TEX55: variants seen among roughly 807,000 people sequenced by gnomAD.
TEX55 encodes the protein testis expressed 55.
TEX55 carries 31 observed loss-of-function variants against 44.6 expected under a neutral mutation model. The observed-to-expected ratio is 0.69, with a 90% CI of 0.52 to 0.94. The LOEUF (loss-of-function observed/expected upper bound fraction) is 0.94, where lower values mean the gene tolerates loss of function less well. Ranked by LOEUF, TEX55 falls within the 40% of genes least tolerant of loss-of-function variation. The pLI, the probability that TEX55 is intolerant of heterozygous loss-of-function variation, is 0.00. For missense variants in TEX55, 639 were observed against 638.4 expected (o/e 1.00, Z -0.01); for synonymous variants, 230 against 230.9 (o/e 1.00, Z 0.04).
In TEX55 at chr3:119,146,928, T is replaced by C. The variant is rs1202510901; in HGVS notation, c.739T>C (p.Ser247Pro). Residue 247 changes from serine (S) to proline (P), a missense_variant, in exon 1 of 3, where the codon TCC (serine) becomes CCC (proline). Physicochemically the swap from Ser to Pro is moderately conservative, Grantham distance 74. Transcript: ENST00000295622. ...TTCTGTACAGATTGACAGTGGATCG[T>C]CCGTACCATCTGACCAAAGACCTTC... ...SPSVQIDSGS[S>P]VPSDQRPSVQ... 1.2e-6 allele frequency: 2 copies of C among 1,613,910 alleles called. No individual in the cohort carries two copies. The highest frequency in any genetic ancestry group is 4.5e-5 in the East Asian group (2 of 44,886).
In TEX55 at chr3:119,147,287, T is replaced by G; in HGVS notation, c.1098T>G (p.Arg366=). The G allele has an allele frequency of 6.2e-7, 1 of 1,614,088 alleles. No homozygotes were observed. The highest frequency in any genetic ancestry group is 8.5e-7 in the Non-Finnish European group (1 of 1,180,006). ...HKDQLSYYET[R]GQSEDRIFPQ... is the part of the protein sequence containing the mutation. The stretch of plus-strand genomic sequence containing the variant: ...ACCAGCTGTCTTACTATGAAACACG[T>G]GGCCAGTCTGAAGACAGAATATTTC... The change falls in exon 1 of 3, where the codon CGT becomes CGG. Residue 366 remains arginine, a synonymous_variant. Transcript: ENST00000295622.
chr3:119,151,367 C>T lies in TEX55; in HGVS notation c.*75C>T. The T allele has an allele frequency of 8.1e-7, 1 of 1,240,860 alleles. No homozygotes were observed. 76.9% of individuals were successfully genotyped at this position (1,240,860 alleles called of 1,614,324 possible). A position where few individuals can be genotyped will look rare whatever the true frequency, so the allele number is the denominator to read the frequency against. Reference sequence around the variant, plus strand: ...CACACATACAGCAAAGTGTATAGAACAAAGTACGTACAACTCTGAATTCTT... The same window carrying T: ...CACACATACAGCAAAGTGTATAGAATAAAGTACGTACAACTCTGAATTCTT... On this transcript the variant is annotated 3_prime_UTR_variant, in exon 3 of 3. Coordinates refer to ENST00000295622, the MANE Select transcript of TEX55 (RefSeq NM_152539.3).
Position 119,151,285 on chromosome 3 carries a change from A to G in TEX55, c.1604A>G (p.Gln535Arg), listed in dbSNP as rs756086439. The G allele has an allele frequency of 2.5e-6, 4 of 1,613,002 alleles. No individual in the cohort carries two copies. The South Asian group carries it at 3.3e-5, about 13-fold the overall frequency. ...PEDPLNFMLC[Q>R]V is the part of the protein sequence containing the mutation. The stretch of plus-strand genomic sequence containing the variant: ...GACCCCCTGAATTTTATGCTGTGCC[A>G]GGTATAGAATTGGAGAAAAAGAACA... The change falls in exon 3 of 3, where the codon CAG becomes CGG. Residue 535 changes from glutamine to arginine, a missense_variant. Gln to Arg is a conservative substitution (Grantham distance 43). Coordinates refer to ENST00000295622, the MANE Select transcript of TEX55 (RefSeq NM_152539.3).
chr3:119,146,319 GATAACC>G lies in TEX55; in HGVS notation c.132_137del (p.Asn45_His46del). On this transcript the variant is annotated inframe_deletion, in exon 1 of 3. Coordinates refer to ENST00000295622, the MANE Select transcript of TEX55 (RefSeq NM_152539.3). Reference sequence around the variant, plus strand: ...GAAGAACCAGGCCGAAAGGAAGGCAGATAACCACACTGCTCACAGAATAGCTGACCA... The same window carrying G: ...GAAGAACCAGGCCGAAAGGAAGGCAGACACTGCTCACAGAATAGCTGACCA... 1 of 1,614,200 alleles carries G rather than the reference GATAACC, an allele frequency of 6.2e-7. No homozygotes were observed. The highest frequency in any genetic ancestry group is 8.5e-7 in the Non-Finnish European group (1 of 1,180,036).
Position 119,148,475 on chromosome 3 carries a change from A to T in TEX55, c.1542+152A>T, listed in dbSNP as rs1215545344. 5.3e-6 allele frequency: 4 copies of T among 752,904 alleles called. No individual in the cohort carries two copies. In the South Asian group the frequency reaches 8.3e-5, roughly 16 times the overall value. The allele number at this position is 752,904 out of a possible 1,614,324, so 46.6% of individuals were successfully genotyped here. On this transcript the variant is annotated intron_variant, in intron 2 of 2. Transcript: ENST00000295622. ...GTAGTAAATGATAAACACCAAATAG[A>T]TGATACCATCATATGAAGCCATTCA...
In TEX55 at chr3:119,147,140, A is replaced by G; in HGVS notation, c.951A>G (p.Leu317=). Residue 317 remains leucine (L), a synonymous_variant, in exon 1 of 3, where the codon CTA becomes CTG. Transcript: ENST00000295622. The part of the protein sequence containing the change: ...HHQVYGQATE[L]AEHQAIDQAH... ...AAGTGTACGGCCAAGCCACTGAACT[A>G]GCTGAACACCAGGCTATTGACCAAG... is the stretch of plus-strand genomic sequence containing the variant. 2.5e-6 allele frequency: 4 copies of G among 1,614,220 alleles called. No homozygotes were observed. The highest frequency in any genetic ancestry group is 3.3e-4 in the Middle Eastern group (2 of 6,062).
intron 2 of TEX55, among the ~76,000 whole-genome samples, chr3:119,148,948 T>A (rs2077756785): frequency 6.6e-6 from 1 of 152,158 alleles, no homozygotes; most frequent in African/African-American, 2.4e-5. Context: ...CTTAACTATG[T>A]ATGGAGCTTT....
rs770646159 is a variant in TEX55 at position 119,146,573 on chromosome 3, A to G, written c.384A>G (p.Glu128=). 2.3e-5 allele frequency: 37 copies of G among 1,613,896 alleles called. No homozygotes were observed. Among genetic ancestry groups the G allele is most frequent in the Non-Finnish European group, 3.1e-5 (36 of 1,180,044 alleles). ...ASSQANNVQH[E]QSDGQVSGLT... ...GCCAAGCTAATAATGTACAGCATGAACAGAGTGATGGTCAGGTGTCTGGCC... is the reference window on the plus strand; with the variant it reads ...GCCAAGCTAATAATGTACAGCATGAGCAGAGTGATGGTCAGGTGTCTGGCC... The change falls in exon 1 of 3, where the codon GAA becomes GAG. Residue 128 remains glutamate (E), a synonymous_variant. Transcript: ENST00000295622.
rs768165314 is a variant in TEX55 at position 119,147,172 on chromosome 3, G to A, written c.983G>A (p.Ser328Asn). Residue 328 changes from serine to asparagine, a missense_variant, in exon 1 of 3, where the codon AGT becomes AAT. By Grantham distance (46) the Ser-to-Asn change is conservative (BLOSUM62 1). Transcript: ENST00000295622. ...CACCAGGCTATTGACCAAGCTCATA[G>A]TAATGCTGATCAACCTCCAGTTGAC... ...AEHQAIDQAH[S>N]NADQPPVDNA... The A allele has an allele frequency of 1.2e-6, 2 of 1,614,212 alleles. No individual in the cohort carries two copies. The highest frequency in any genetic ancestry group is 1.1e-5 in the South Asian group (1 of 91,084).
Position 119,147,519 on chromosome 3 carries a change from C to T in TEX55, c.1330C>T (p.Pro444Ser), listed in dbSNP as rs986730093. The T allele has an allele frequency of 5.0e-6, 8 of 1,614,102 alleles. No homozygotes were observed. Among genetic ancestry groups the T allele is most frequent in the Non-Finnish European group, 6.8e-6 (8 of 1,180,020 alleles). The change falls in exon 1 of 3, where the codon CCC (proline) becomes TCC (serine). Residue 444 changes from proline to serine, a missense_variant. Coordinates refer to ENST00000295622, the MANE Select transcript of TEX55 (RefSeq NM_152539.3). ...AKDQALFPRLPSISSKLNYTS... is the reference protein window; with the variant it reads ...AKDQALFPRLSSISSKLNYTS... ...AGACCAAGCTCTTTTCCCAAGACTC[C>T]CCTCCATCTCATCCAAATTGAACTA...
Position 119,151,260 on chromosome 3 carries a change from G to A in TEX55, c.1579G>A (p.Asp527Asn), listed in dbSNP as rs763328373. The change falls in exon 3 of 3, where the codon GAC becomes AAC. Residue 527 changes from aspartate (D) to asparagine (N), a missense_variant. Transcript: ENST00000295622. The stretch of plus-strand genomic sequence containing the variant: ...AAACTTAGTCTATGAAAAGCCAGAG[G>A]ACCCCCTGAATTTTATGCTGTGCCA... ...TENLVYEKPEDPLNFMLCQV is the reference protein window; with the variant it reads ...TENLVYEKPENPLNFMLCQV The A allele has an allele frequency of 8.7e-6, 14 of 1,613,032 alleles. No individual in the cohort carries two copies. The highest frequency in any genetic ancestry group is 1.7e-4 in the Middle Eastern group (1 of 6,060).
chr3:119,150,552 T>C (rs1209577045), intron 2 of TEX55, among the ~76,000 whole-genome samples: 8 of 152,114 alleles, frequency 5.3e-5, no homozygotes, highest in East Asian at 1.9e-4. Context: ...ACAACAAAAG[T>C]ATGAAGTGAA....
At chr3:119,150,401 G>A (rs2077770482) in intron 2 of TEX55, among the ~76,000 whole-genome samples, 1 of 152,030 alleles carries the variant, frequency 6.6e-6, no homozygotes, top group Admixed American at 6.6e-5. Flanking sequence ...GTGTTCAACA[G>A]AAATAGATAT....
rs769027046 is a variant in TEX55, at chr3:119,146,757, G to T, written c.568G>T (p.Ala190Ser). The T allele has an allele frequency of 6.2e-7, 1 of 1,614,058 alleles. No individual in the cohort carries two copies. The highest frequency in any genetic ancestry group is 8.5e-7 in the Non-Finnish European group (1 of 1,179,904). ...AATGGCAGGCCAGTCTGAGAGAAGA[G>T]CTTCCGAGCAGATGGACCGCAGAAT... ...HRMAGQSERR[A>S]SEQMDRRMSG... The change falls in exon 1 of 3, where the codon GCT becomes TCT. Residue 190 changes from alanine to serine, a missense_variant. Coordinates refer to ENST00000295622, the MANE Select transcript of TEX55 (RefSeq NM_152539.3).
chr3:119,146,441 T>G lies in TEX55; in HGVS notation c.252T>G (p.Pro84=). The change falls in exon 1 of 3, where the codon CCT becomes CCG. Residue 84 remains proline, a synonymous_variant. Transcript: ENST00000295622. ...CTGAACAAAATGGGCATAGTACACC[T>G]GGTCAGGCTGGCCGCAGAGCATCCA... ...GVAEQNGHST[P]GQAGRRASNP... 2 of 1,614,194 alleles carry G rather than the reference T, an allele frequency of 1.2e-6. No individual in the cohort carries two copies.
Position 119,148,340 on chromosome 3 carries a change from C to T in TEX55, c.1542+17C>T, listed in dbSNP as rs781434868. On this transcript the variant is annotated intron_variant, in intron 2 of 2. Coordinates refer to ENST00000295622, the MANE Select transcript of TEX55 (RefSeq NM_152539.3). ...ATATTCCAGGTAAACCTCTCAATTC[C>T]TCTCTTTAATTATAAGTTTTTCAAG... The T allele has an allele frequency of 2.6e-5, 41 of 1,604,200 alleles. 1 individual carries two copies. In the Admixed American group the frequency reaches 4.6e-4, roughly 18 times the overall value.
intron 2 of TEX55, among the ~76,000 whole-genome samples, chr3:119,148,844 G>A (rs185574607): frequency 1.3e-5 from 2 of 152,286 alleles, no homozygotes; most frequent in Admixed American, 1.3e-4. Flanking sequence ...GTAGGCAATT[G>A]TAACACAATG....
intron 1 of TEX55, 74 bp downstream of exon 1, chr3:119,147,661 G>A: frequency 5.5e-6 from 7 of 1,283,650 alleles, no homozygotes; most frequent in Non-Finnish European, 7.6e-6. Context: ...TAAAAATAGG[G>A]GTACAACGGA....
chr3:119,148,773 A>G (rs889739537), intron 2 of TEX55, among the ~76,000 whole-genome samples: 1 of 152,246 alleles, frequency 6.6e-6, no homozygotes, highest in African/African-American at 2.4e-5. Flanking sequence ...CTTAGGCTAT[A>G]TGGCATAGCC....
Sources: allele counts gnomAD v4.1 joint callset (sites outside exome capture counted in the v4.1 genomes callset), GRCh38; gene constraint gnomAD v4.1.1; transcripts MANE v1.5; gene names NCBI Gene and HGNC (gene_info 2026-07-23, HGNC 2026-07-21).